ABL2: variants seen among roughly 807,000 people sequenced by gnomAD.
ABL2 encodes tyrosine-protein kinase ABL2.
Under a neutral mutation model 107.7 loss-of-function variants are expected in ABL2, and 49 were observed. The ratio of observed to expected loss-of-function variants is 0.45; its 90% CI spans 0.36 to 0.58. The LOEUF (loss-of-function observed/expected upper bound fraction) is 0.58. Among genes scored for constraint, ABL2 ranks in the 20% least tolerant of loss-of-function variants. ABL2 has a pLI of 0.00. For synonymous variants in ABL2, 549 were observed against 548.6 expected (o/e 1.00, Z -0.01); for missense variants, 1,245 against 1,457.0 (o/e 0.85, Z 2.37).
chr1:179,179,394 G>A (rs1660236477), intron 1 of ABL2, among the ~76,000 whole-genome samples: 1 of 151,586 alleles, frequency 6.6e-6, no homozygotes. Flanking sequence ...TAAAAGCCGA[G>A]ATATTCAATA....
In ABL2 at chr1:179,178,401, C is replaced by CAAAAAAAAAAAAAAAAAAAAAAAA. The variant is rs572438530; in HGVS notation, c.158-45028_158-45027insTTTTTTTTTTTTTTTTTTTTTTTT. On this transcript the variant is annotated intron_variant, in intron 1 of 11. Transcript: ENST00000502732. ...TGGGTGACAGAGCAAGACTCTGCCT[C>CAAAAAAAAAAAAAAAAAAAAAAAA]AAAAAAAAAAAAAAAAAAATTATTT... Among the ~76,000 whole-genome samples the CAAAAAAAAAAAAAAAAAAAAAAAA allele has an allele frequency of 2.5e-4, 17 of 68,628 alleles. 2 individuals are homozygous for CAAAAAAAAAAAAAAAAAAAAAAAA. Among genetic ancestry groups the CAAAAAAAAAAAAAAAAAAAAAAAA allele is most frequent in the Non-Finnish European group, 3.7e-4 (13 of 35,214 alleles). 45.0% of individuals were successfully genotyped at this position (68,628 alleles called of 152,430 possible).
intron 5 of ABL2, 73 bp downstream of exon 5, chr1:179,121,522 G>T (rs1655194795): frequency 1.3e-6 from 2 of 1,544,018 alleles, no homozygotes; most frequent in Non-Finnish European, 1.8e-6. Flanking sequence ...TTAAAGAAGG[G>T]CATGCTGATA....
chr1:179,174,628 T>G (rs2102782394), intron 1 of ABL2, among the ~76,000 whole-genome samples: 1 of 151,664 alleles, frequency 6.6e-6, no homozygotes, highest in South Asian at 2.1e-4. Flanking sequence ...CTTAAAACCT[T>G]CTACAACTTT....
rs191491111 is a variant in ABL2, at chr1:179,100,603, T to G, written c.*7115A>C. On this transcript the variant is annotated 3_prime_UTR_variant, in exon 12 of 12. Transcript: ENST00000502732. ...ATAAAGCCTGCTAGCATTCGACAGT[T>G]TGCCTCCAGCTTTTCTAAAAGGTTA... The G allele has an allele frequency of 6.5e-5, 15 of 229,470 alleles. No homozygotes were observed. In the East Asian group the frequency reaches 7.4e-4, roughly 11 times the overall value. 14.2% of individuals were successfully genotyped at this position (229,470 alleles called of 1,614,324 possible). A position where few individuals can be genotyped will look rare whatever the true frequency, so the allele number is the denominator to read the frequency against.
chr1:179,136,209 T>C (rs1383033501), intron 1 of ABL2, among the ~76,000 whole-genome samples: 2 of 151,614 alleles, frequency 1.3e-5, no homozygotes, highest in Non-Finnish European at 2.9e-5. Flanking sequence ...CTGGGAGGTG[T>C]ACCCAACAGC....
At chr1:179,194,625 G>A (rs73044765) in intron 1 of ABL2, among the ~76,000 whole-genome samples, 14,381 of 152,060 alleles carry the variant, frequency 0.095, 717 homozygotes, top group African/African-American at 0.12. Flanking sequence ...GAATACAAGG[G>A]CTCCAGCTAG....
chr1:179,108,901 G>A lies in ABL2; in HGVS notation c.2366C>T (p.Ser789Leu). Residue 789 changes from serine (S) to leucine (L), a missense_variant, in exon 12 of 12, where the codon TCA becomes TTA. This residue lies in a region of ABL2 where 761 missense variants were observed against 766.4 expected (regional missense o/e 0.99). Coordinates refer to ENST00000502732, the MANE Select transcript of ABL2 (RefSeq NM_007314.4). Reference protein sequence around the residue: ...PRSNSTSSMSSGLPEQDRMAM... With the variant: ...PRSNSTSSMSLGLPEQDRMAM... Reference sequence around the variant, plus strand: ...CATCCTATCCTGCTCTGGAAGCCCTGAGGACATGGAAGATGTAGAGTTTGA... The same window carrying A: ...CATCCTATCCTGCTCTGGAAGCCCTAAGGACATGGAAGATGTAGAGTTTGA... 1 of 1,614,192 alleles carries A rather than the reference G, an allele frequency of 6.2e-7. No homozygotes were observed. Among genetic ancestry groups the A allele is most frequent in the Non-Finnish European group, 8.5e-7 (1 of 1,180,036 alleles).
chr1:179,142,456 A>T (rs957637562), intron 1 of ABL2, among the ~76,000 whole-genome samples: 1 of 152,226 alleles, frequency 6.6e-6, no homozygotes, highest in South Asian at 2.1e-4. Flanking sequence ...ACTTTTCACC[A>T]GTTAGTCATT....
rs959248414 is a variant in ABL2, at chr1:179,229,454, C to T, written c.-57G>A. On this transcript the variant is annotated 5_prime_UTR_variant, in exon 1 of 12. Transcript: ENST00000502732. Reference sequence around the variant, plus strand: ...GACCCCTGGTCACATTCCTCCTCGGCTCCGGCCTCGGGCTCCTGGCGCTGC... The same window carrying T: ...GACCCCTGGTCACATTCCTCCTCGGTTCCGGCCTCGGGCTCCTGGCGCTGC... The T allele has an allele frequency of 3.0e-4, 426 of 1,434,668 alleles. No homozygotes were observed. The highest frequency in any genetic ancestry group is 6.9e-4 in the Admixed American group (25 of 36,310). The allele number at this position is 1,434,668 out of a possible 1,614,324, so 88.9% of individuals were successfully genotyped here.
At chr1:179,200,796 C>T (rs1022084278) in intron 1 of ABL2, among the ~76,000 whole-genome samples, 1 of 152,114 alleles carries the variant, frequency 6.6e-6, no homozygotes, top group Non-Finnish European at 1.5e-5. Flanking sequence ...GGATATAAAG[C>T]AAAATCAGCA....
chr1:179,128,342 G>GA (rs892005860), intron 3 of ABL2, among the ~76,000 whole-genome samples: 14 of 146,358 alleles, frequency 9.6e-5, no homozygotes, highest in South Asian at 2.2e-4. Context: ...TTTACAGGAA[G>GA]AAAAAAAAAA....
In ABL2 at chr1:179,147,110, T is replaced by TCCAAAGATGACACATAGGTGG. The variant is rs545458469; in HGVS notation, c.158-13757_158-13737dup. 2.2e-3 allele frequency among the ~76,000 whole-genome samples: 280 copies of TCCAAAGATGACACATAGGTGG among 128,774 alleles called. 1 individual carries two copies. The highest frequency in any genetic ancestry group is 7.9e-3 in the African/African-American group (266 of 33,868). The allele number at this position is 128,774 out of a possible 152,430, so 84.5% of individuals were successfully genotyped here. On this transcript the variant is annotated intron_variant, in intron 1 of 11. Transcript: ENST00000502732. ...AGGCTAAGAACATGAACAGACATTTTCCAAAGATGACACATAGGTGGCTAA... is the reference window on the plus strand; with the variant it reads ...AGGCTAAGAACATGAACAGACATTTTCCAAAGATGACACATAGGTGGCCAAAGATGACACATAGGTGGCTAA...
chr1:179,174,744 T>C (rs1226442212), intron 1 of ABL2, among the ~76,000 whole-genome samples: 1 of 151,236 alleles, frequency 6.6e-6, no homozygotes, highest in African/African-American at 2.4e-5. Flanking sequence ...GTCAGGAGTT[T>C]GAGACCTCAA....
At chr1:179,178,605 A>G (rs1018252425) in intron 1 of ABL2, among the ~76,000 whole-genome samples, 2 of 151,938 alleles carry the variant, frequency 1.3e-5, no homozygotes, top group African/African-American at 4.8e-5. Context: ...AAGTAAGAAC[A>G]TCGGGCGGGC....
At chr1:179,125,246 G>T (rs1655626340) in intron 4 of ABL2, among the ~76,000 whole-genome samples, 1 of 152,214 alleles carries the variant, frequency 6.6e-6, no homozygotes, top group Non-Finnish European at 1.5e-5. Flanking sequence ...AAAAAAAGCA[G>T]ACGGCTGGAG....
Position 179,107,539 on chromosome 1 carries a change from G to A in ABL2, c.*179C>T. 2 of 1,279,672 alleles carry A rather than the reference G, an allele frequency of 1.6e-6. No homozygotes were observed. The highest frequency in any genetic ancestry group is 2.1e-6 in the Non-Finnish European group (2 of 962,022). The allele number at this position is 1,279,672 out of a possible 1,614,324, so 79.3% of individuals were successfully genotyped here. ...TAATTTACCTCTCCTATACTTATGT[G>A]GTTTGCTTCTTATTTTTGAGATGAA... On this transcript the variant is annotated 3_prime_UTR_variant, in exon 12 of 12. Coordinates refer to ENST00000502732, the MANE Select transcript of ABL2 (RefSeq NM_007314.4).
chr1:179,121,714 A>T lies in ABL2; in HGVS notation c.841T>A (p.Trp281Arg). The change falls in exon 5 of 12, where the codon TGG (tryptophan) becomes AGG (arginine). Residue 281 changes from tryptophan to arginine, a missense_variant. Around this residue, in one of 3 missense-constraint regions of ABL2, gnomAD observed 320 missense variants for 547.0 expected, o/e 0.59. Transcript: ENST00000502732. ...VYGVSPIHDK[W>R]EMERTDITMK... ...GTAATATCTGTTCGCTCCATTTCCCATTTGTCGTGGATGGGGGACACACCA... is the reference window on the plus strand; with the variant it reads ...GTAATATCTGTTCGCTCCATTTCCCTTTTGTCGTGGATGGGGGACACACCA... 1.2e-6 allele frequency: 2 copies of T among 1,613,792 alleles called. No homozygotes were observed. Among genetic ancestry groups the T allele is most frequent in the Non-Finnish European group, 1.7e-6 (2 of 1,179,986 alleles).
intron 4 of ABL2, among the ~76,000 whole-genome samples, chr1:179,122,663 CTTTTTTTT>C (rs1401913948): frequency 2.0e-5 from 3 of 149,516 alleles, no homozygotes; most frequent in Admixed American, 6.6e-5. Context: ...TTCTTTTTTT[CTTTTTTTT>C]GAGACAGAGT....
intron 1 of ABL2, among the ~76,000 whole-genome samples, chr1:179,218,620 G>T (rs1378252098): frequency 6.6e-6 from 1 of 152,150 alleles, no homozygotes; most frequent in Non-Finnish European, 1.5e-5. Flanking sequence ...GGATGGTCTT[G>T]ATCTCCTGAC....
Sources: gnomAD v4.1 joint callset for allele counts (sites outside exome capture counted in the v4.1 genomes callset) on GRCh38, gnomAD v4.1.1 for gene constraint, gnomAD v4.1.1 regional missense constraint, MANE v1.5 for transcripts, NCBI Gene and HGNC (gene_info 2026-07-23, HGNC 2026-07-21) for gene names.